The following COL9A1 variants were observed in gnomAD, a reference collection of about 807,000 sequenced individuals.
COL9A1 encodes collagen alpha-1(IX) chain.
Under a neutral mutation model 142.6 loss-of-function variants are expected in COL9A1, and 104 were observed. The ratio of observed to expected loss-of-function variants is 0.73; its 90% CI spans 0.62 to 0.86. The LOEUF (loss-of-function observed/expected upper bound fraction) is 0.86. Ranked by LOEUF, COL9A1 falls within the 40% of genes least tolerant of loss-of-function variation. COL9A1 has a pLI of 0.00. For missense variants in COL9A1, 1,210 were observed against 1,176.6 expected (o/e 1.03, Z -0.42); for synonymous variants, 466 against 396.0 (o/e 1.18, Z -2.10).
chr6:70,219,566 G>A (rs1326933483), intron 37 of COL9A1, among the ~76,000 whole-genome samples: 3 of 152,192 alleles, frequency 2.0e-5, no homozygotes, highest in African/African-American at 4.8e-5. Context: ...GTTTTTACCA[G>A]ATGAAAACGT....
chr6:70,219,884 A>G (rs949048737), intron 37 of COL9A1, among the ~76,000 whole-genome samples: 6 of 152,252 alleles, frequency 3.9e-5, no homozygotes, highest in African/African-American at 1.2e-4. Context: ...TTATTCTCTA[A>G]TACACTAACA....
intron 19 of COL9A1, chr6:70,260,972 A>G: frequency 2.5e-6 from 1 of 395,118 alleles, no homozygotes; most frequent in South Asian, 3.5e-5. Context: ...AAAAGTAAAT[A>G]CCAGCATAAG....
In COL9A1 at chr6:70,235,958, C is replaced by T. The variant is rs1007212710; in HGVS notation, c.2113-1018G>A. Among the ~76,000 whole-genome samples the T allele has an allele frequency of 6.6e-5, 10 of 151,336 alleles. No individual in the cohort carries two copies. In the East Asian group the frequency reaches 1.4e-3, roughly 21 times the overall value. On this transcript the variant is annotated intron_variant, in intron 33 of 37. Coordinates refer to ENST00000357250, the MANE Select transcript of COL9A1 (RefSeq NM_001851.6). ...TGAAACCCCTTCTCTACTAAAAATACCAAAAATTAGCCGGCGTAGTGGTGG... is the reference window on the plus strand; with the variant it reads ...TGAAACCCCTTCTCTACTAAAAATATCAAAAATTAGCCGGCGTAGTGGTGG...
intron 6 of COL9A1, 134 bp from the exon 7 acceptor site, chr6:70,283,052 T>G: frequency 6.4e-7 from 1 of 1,563,974 alleles, no homozygotes; most frequent in Non-Finnish European, 8.6e-7. Flanking sequence ...GTCCAGGCCA[T>G]GCCCGCCGCC....
chr6:70,258,387 C>T (rs915609133), intron 20 of COL9A1, among the ~76,000 whole-genome samples: 10 of 151,978 alleles, frequency 6.6e-5, no homozygotes, highest in African/African-American at 1.9e-4. Flanking sequence ...ACCAGGTGGA[C>T]GGCATGTGTA....
At chr6:70,278,748 A>G (rs1772925873) in intron 10 of COL9A1, among the ~76,000 whole-genome samples, 2 of 152,238 alleles carry the variant, frequency 1.3e-5, no homozygotes, top group Admixed American at 1.3e-4. Context: ...GCAAATATAG[A>G]CAAAGAAAAA....
At chr6:70,278,420 TTAGAC>T (rs1336679895) in intron 10 of COL9A1, among the ~76,000 whole-genome samples, 1 of 152,218 alleles carries the variant, frequency 6.6e-6, no homozygotes, top group Non-Finnish European at 1.5e-5. Context: ...GAAAGTAATA[TTAGAC>T]TAATCTACTT....
chr6:70,272,027 A>G, intron 13 of COL9A1, 38 bp downstream of exon 13: 1 of 1,597,616 alleles, frequency 6.3e-7, no homozygotes, highest in African/African-American at 1.3e-5. Flanking sequence ...GGACATTTTT[A>G]TAGACTGCAT....
intron 14 of COL9A1, among the ~76,000 whole-genome samples, chr6:70,271,321 G>C (rs112754519): frequency 4.6e-5 from 7 of 152,156 alleles, no homozygotes; most frequent in African/African-American, 1.7e-4. Context: ...AATAATTTTA[G>C]GCTATTCACT....
Position 70,260,638 on chromosome 6 carries a change from A to G in COL9A1, c.1449+19T>C, listed in dbSNP as rs915304228. On this transcript the variant is annotated intron_variant, in intron 20 of 37. Coordinates refer to ENST00000357250, the MANE Select transcript of COL9A1 (RefSeq NM_001851.6). ...ATTTAACACATTTTGGTATTATATTATTGTCATCACCATCTTACTTTTTCC... is the reference window on the plus strand; with the variant it reads ...ATTTAACACATTTTGGTATTATATTGTTGTCATCACCATCTTACTTTTTCC... The G allele has an allele frequency of 6.2e-7, 1 of 1,610,342 alleles. No homozygotes were observed. Among genetic ancestry groups the G allele is most frequent in the Non-Finnish European group, 8.5e-7 (1 of 1,177,476 alleles).
intron 18 of COL9A1, among the ~76,000 whole-genome samples, chr6:70,265,815 G>C (rs555904863): frequency 6.6e-6 from 1 of 152,088 alleles, no homozygotes; most frequent in Non-Finnish European, 1.5e-5. Flanking sequence ...ATTGCTTGAG[G>C]CTATTTAACA....
rs67240674 is a variant in COL9A1, at chr6:70,280,732, T to TCCC, written c.975+77_975+79dup. On this transcript the variant is annotated intron_variant, in intron 10 of 37. Transcript: ENST00000357250. ...CTCTCTCTCTCTTTCTCTCTCTCCC[T>TCCC]CCCCCCCCACAAAACACACACTTAC... 2.9e-6 allele frequency: 4 copies of TCCC among 1,376,682 alleles called. No individual in the cohort carries two copies. In the African/African-American group the frequency reaches 4.4e-5, roughly 15 times the overall value. 85.3% of individuals were successfully genotyped at this position (1,376,682 alleles called of 1,614,324 possible). A position where few individuals can be genotyped will look rare whatever the true frequency, so the allele number is the denominator to read the frequency against.
In COL9A1 at chr6:70,294,161, A is replaced by G; in HGVS notation, c.696+6T>C. ...AATCTGCCATAGTGTGTGGTTTTAT[A>G]CTTACTGGAACAGAAACTTGAGGAT... is the stretch of plus-strand genomic sequence containing the variant. On this transcript the variant is annotated splice_donor_region_variant and intron_variant, in intron 5 of 37. Coordinates refer to ENST00000357250, the MANE Select transcript of COL9A1 (RefSeq NM_001851.6). The G allele has an allele frequency of 6.2e-7, 1 of 1,613,956 alleles. No homozygotes were observed. Among genetic ancestry groups the G allele is most frequent in the South Asian group, 1.1e-5 (1 of 91,072 alleles).
chr6:70,274,642 G>T, intron 11 of COL9A1, 77 bp downstream of exon 11: 1 of 1,196,952 alleles, frequency 8.4e-7, no homozygotes, highest in Non-Finnish European at 1.2e-6. Context: ...CTTAATGTTA[G>T]TTGGCTTGCA....
At chr6:70,226,703 T>C (rs1046210366) in intron 36 of COL9A1, among the ~76,000 whole-genome samples, 2 of 152,034 alleles carry the variant, frequency 1.3e-5, no homozygotes, top group African/African-American at 4.8e-5. Context: ...AGTTTAACAT[T>C]TCTAAAGGAC....
At chr6:70,236,346 T>A (rs1288537639) in intron 33 of COL9A1, among the ~76,000 whole-genome samples, 1 of 152,154 alleles carries the variant, frequency 6.6e-6, no homozygotes, top group Non-Finnish European at 1.5e-5. Flanking sequence ...ATTAATTCAC[T>A]TTTTGTTAAA....
chr6:70,270,676 T>G (rs993774826), intron 14 of COL9A1, among the ~76,000 whole-genome samples: 4 of 152,228 alleles, frequency 2.6e-5, no homozygotes, highest in African/African-American at 9.6e-5. Context: ...AAACACTACT[T>G]ATTTTTCTGG....
rs545813417 is a variant in COL9A1, at chr6:70,251,585, TC to T, written c.1872+534del. 2.0e-3 allele frequency among the ~76,000 whole-genome samples: 302 copies of T among 152,266 alleles called. 1 individual carries two copies. Among genetic ancestry groups the T allele is most frequent in the Non-Finnish European group, 3.4e-3 (228 of 68,024 alleles). ...TATTTATTTTTAAAAAACAAAAAGCTCACATATTGTATGATTCCATTTTTAT... is the reference window on the plus strand; with the variant it reads ...TATTTATTTTTAAAAAACAAAAAGCTACATATTGTATGATTCCATTTTTAT... On this transcript the variant is annotated intron_variant, in intron 28 of 37. Coordinates refer to ENST00000357250, the MANE Select transcript of COL9A1 (RefSeq NM_001851.6).
chr6:70,261,321 G>T (rs1771674684), intron 19 of COL9A1, among the ~76,000 whole-genome samples: 1 of 152,010 alleles, frequency 6.6e-6, no homozygotes, highest in African/African-American at 2.4e-5. Context: ...TGAGGGGCGG[G>T]GTGTGATTTC....
Sources: gnomAD v4.1 joint callset for allele counts (sites outside exome capture counted in the v4.1 genomes callset) on GRCh38, gnomAD v4.1.1 for gene constraint, MANE v1.5 for transcripts, NCBI Gene and HGNC (gene_info 2026-07-23, HGNC 2026-07-21) for gene names.